The following CCDC33 variants were observed in gnomAD, a reference collection of about 807,000 sequenced individuals.
The protein encoded by CCDC33 is coiled-coil domain-containing protein 33.
Under a neutral mutation model 91.9 loss-of-function variants are expected in CCDC33, and 94 were observed. The observed-to-expected ratio is 1.02, with a 90% CI of 0.87 to 1.21. The LOEUF is 1.21. CCDC33 is among the 50% of genes most tolerant of loss of function. The probability of loss-of-function intolerance (pLI) is 0.00; values close to 1 mark genes in which losing one functional copy is unlikely to be tolerated. For synonymous variants in CCDC33, 396 were observed against 374.5 expected (o/e 1.06, Z -0.66); for missense variants, 940 against 935.5 (o/e 1.00, Z -0.06).
In CCDC33 at chr15:74,336,062, G is replaced by A. The variant is rs1201276826; in HGVS notation, c.*9G>A. The A allele has an allele frequency of 1.9e-6, 3 of 1,613,328 alleles. No homozygotes were observed. The highest frequency in any genetic ancestry group is 2.5e-6 in the Non-Finnish European group (3 of 1,179,942). The stretch of plus-strand genomic sequence containing the variant: ...ACTCTCAGCAGACCTGAGCCCCAGA[G>A]CAGGCCTCCTTCCCTGTGTGCTGGG... On this transcript the variant is annotated 3_prime_UTR_variant, in exon 19 of 19. Transcript: ENST00000398814.
chr15:74,313,690 G>T (rs1168133981), intron 11 of CCDC33, among the ~76,000 whole-genome samples: 1 of 152,102 alleles, frequency 6.6e-6, no homozygotes, highest in Non-Finnish European at 1.5e-5. Context: ...AACCCCGGAG[G>T]GCTATGAATG....
chr15:74,323,211 C>T (rs2060240591), intron 11 of CCDC33, among the ~76,000 whole-genome samples: 1 of 152,288 alleles, frequency 6.6e-6, no homozygotes, highest in South Asian at 2.1e-4. Flanking sequence ...AAGGTCACTT[C>T]CTCCAGGCCA....
chr15:74,301,296 A>G (rs1053047818), intron 11 of CCDC33: 4 of 152,288 alleles, frequency 2.6e-5, no homozygotes, highest in Non-Finnish European at 5.9e-5. Context: ...GACTTCCTCC[A>G]CAAAGGGCTT....
rs1402964547 is a variant in CCDC33, at chr15:74,245,644, G to T, written c.185+1496G>T. ...CCGCGCCATCACCCGGTTGCCATGGGAACGCGCGGCAGGAGCCTAGGCGAC... is the reference window on the plus strand; with the variant it reads ...CCGCGCCATCACCCGGTTGCCATGGTAACGCGCGGCAGGAGCCTAGGCGAC... On this transcript the variant is annotated intron_variant, in intron 2 of 18. Coordinates refer to ENST00000398814, the MANE Select transcript of CCDC33 (RefSeq NM_025055.5). Among the ~76,000 whole-genome samples, 4 of 152,258 alleles carry T rather than the reference G, an allele frequency of 2.6e-5. No homozygotes were observed. In the South Asian group the frequency reaches 8.3e-4, roughly 32 times the overall value.
intron 11 of CCDC33, among the ~76,000 whole-genome samples, chr15:74,305,485 G>A (rs187556438): frequency 1.3e-5 from 2 of 152,258 alleles, no homozygotes; most frequent in East Asian, 3.9e-4. Context: ...AAAGGCCAAG[G>A]GAAGTGAGAC....
In CCDC33 at chr15:74,246,433, T is replaced by A. The variant is rs114630881; in HGVS notation, c.185+2285T>A. 5.8e-3 allele frequency among the ~76,000 whole-genome samples: 881 copies of A among 152,264 alleles called. 9 individuals carry two copies. Among genetic ancestry groups the A allele is most frequent in the African/African-American group, 0.02 (851 of 41,542 alleles). On this transcript the variant is annotated intron_variant, in intron 2 of 18. Coordinates refer to ENST00000398814, the MANE Select transcript of CCDC33 (RefSeq NM_025055.5). Reference sequence around the variant, plus strand: ...GCAAAACATGTATCGGATAAGGAGTTAATATCCAAAATATATGAGTAACTC... The same window carrying A: ...GCAAAACATGTATCGGATAAGGAGTAAATATCCAAAATATATGAGTAACTC...
upstream of CCDC33, among the ~76,000 whole-genome samples, chr15:74,214,899 T>G (rs2074400118): frequency 6.6e-6 from 1 of 152,272 alleles, no homozygotes; most frequent in South Asian, 2.1e-4. Flanking sequence ...CTTCATTCAT[T>G]CATGCATTCA....
At chr15:74,221,240 T>TAACCA in intron 2 of CCDC33, 1 of 935,132 alleles carries the variant, frequency 1.1e-6, no homozygotes, top group Non-Finnish European at 1.3e-6. Flanking sequence ...TTTTTTTTTT[T>TAACCA]TTTCACCAGA....
chr15:74,274,973 G>A (rs1310060902), intron 7 of CCDC33, among the ~76,000 whole-genome samples: 2 of 152,254 alleles, frequency 1.3e-5, no homozygotes, highest in Non-Finnish European at 2.9e-5. Context: ...AGGCTGCTGT[G>A]GTAAGGAGGG....
At chr15:74,258,820 C>T (rs1036413524) in intron 2 of CCDC33, among the ~76,000 whole-genome samples, 2 of 152,142 alleles carry the variant, frequency 1.3e-5, no homozygotes, top group African/African-American at 2.4e-5. Context: ...GACATATTTT[C>T]CCTTAGTCAT....
chr15:74,251,554 G>A (rs962361531), intron 2 of CCDC33, among the ~76,000 whole-genome samples: 4 of 152,272 alleles, frequency 2.6e-5, no homozygotes, highest in Admixed American at 6.5e-5. Flanking sequence ...GAGCTAATGA[G>A]TGGGGACAGA....
intron 11 of CCDC33, among the ~76,000 whole-genome samples, chr15:74,328,143 A>G (rs528601521): frequency 2.6e-5 from 4 of 152,312 alleles, no homozygotes; most frequent in African/African-American, 7.2e-5. Context: ...CTTTGCCAAA[A>G]TATCGTGTGC....
chr15:74,270,743 C>G (rs969449404), intron 5 of CCDC33, among the ~76,000 whole-genome samples: 3 of 152,072 alleles, frequency 2.0e-5, no homozygotes, highest in Admixed American at 6.5e-5. Flanking sequence ...GACAGACTCC[C>G]TGTCTCCCCT....
intron 2 of CCDC33, among the ~76,000 whole-genome samples, chr15:74,251,201 AC>A (rs2075698245): frequency 1.3e-5 from 2 of 152,148 alleles, no homozygotes; most frequent in Non-Finnish European, 2.9e-5. Flanking sequence ...GAAAACAAGA[AC>A]CCCAGCTCTG....
chr15:74,305,515 C>A (rs1449564435), intron 11 of CCDC33, among the ~76,000 whole-genome samples: 4 of 152,148 alleles, frequency 2.6e-5, no homozygotes, highest in African/African-American at 9.7e-5. Context: ...AGGAGCATCA[C>A]CCAGGGGCTA....
chr15:74,288,231 TC>T (rs936408468), intron 10 of CCDC33, among the ~76,000 whole-genome samples: 4 of 152,148 alleles, frequency 2.6e-5, no homozygotes, highest in South Asian at 2.1e-4. Context: ...TGCCTTTTCC[TC>T]CCAGAGGCCA....
At chr15:74,259,399 T>C in intron 2 of CCDC33, among the ~76,000 whole-genome samples, 1 of 152,042 alleles carries the variant, frequency 6.6e-6, no homozygotes, top group East Asian at 1.9e-4. Context: ...GCTCCTATTC[T>C]GTGAAGAATC....
chr15:74,233,081 G>C (rs2075034186), upstream of CCDC33, among the ~76,000 whole-genome samples: 1 of 152,176 alleles, frequency 6.6e-6, no homozygotes, highest in South Asian at 2.1e-4. Context: ...TGTGTTCTCA[G>C]GGTCCTGCTC....
intron 7 of CCDC33, 62 bp downstream of exon 7, chr15:74,272,953 C>G (rs1445146232): frequency 9.4e-6 from 15 of 1,592,330 alleles, no homozygotes; most frequent in Non-Finnish European, 1.2e-5. Context: ...ACTGTTCACT[C>G]ACTCAGTGAG....
Sources: gnomAD v4.1 joint callset for allele counts (sites outside exome capture counted in the v4.1 genomes callset) on GRCh38, gnomAD v4.1.1 for gene constraint, MANE v1.5 for transcripts, NCBI Gene and HGNC (gene_info 2026-07-23, HGNC 2026-07-21) for gene names.